FCHSD2: variants seen among roughly 807,000 people sequenced by gnomAD.
FCHSD2 encodes F-BAR and double SH3 domains protein 2.
FCHSD2 carries 38 observed loss-of-function variants against 108.1 expected under a neutral mutation model. That is an observed-to-expected ratio of 0.35 (90% CI 0.27 to 0.46). The LOEUF (loss-of-function observed/expected upper bound fraction) is 0.46, where lower values mean the gene tolerates loss of function less well. Ranked by LOEUF, FCHSD2 falls within the 20% of genes least tolerant of loss-of-function variation. The pLI is 1.00. For synonymous variants in FCHSD2, 279 were observed against 314.7 expected (o/e 0.89, Z 1.20); for missense variants, 751 against 897.8 (o/e 0.84, Z 2.09).
chr11:72,996,969 G>A (rs1045536763), intron 5 of FCHSD2, among the ~76,000 whole-genome samples: 11 of 152,288 alleles, frequency 7.2e-5, no homozygotes, highest in Admixed American at 2.6e-4. Flanking sequence ...GCATTTTTAC[G>A]AGACTGGGGA....
chr11:73,096,986 G>GT (rs1400831147), intron 2 of FCHSD2, among the ~76,000 whole-genome samples: 1 of 19,474 alleles, frequency 5.1e-5, no homozygotes, highest in East Asian at 2.2e-3. Context: ...TTCATTGATG[G>GT]ATTTTTTTTT....
chr11:73,062,255 C>T (rs550024701), intron 3 of FCHSD2, among the ~76,000 whole-genome samples: 18 of 152,176 alleles, frequency 1.2e-4, no homozygotes, highest in African/African-American at 4.1e-4. Context: ...AAAGGAATAG[C>T]ATGTGCACTC....
chr11:73,072,800 G>A (rs989428782), intron 3 of FCHSD2, among the ~76,000 whole-genome samples: 3 of 152,104 alleles, frequency 2.0e-5, no homozygotes, highest in African/African-American at 7.2e-5. Flanking sequence ...CTATGCAGAT[G>A]AAATTCACCA....
intron 2 of FCHSD2, among the ~76,000 whole-genome samples, chr11:73,120,721 T>G (rs570806242): frequency 6.6e-6 from 1 of 150,756 alleles, no homozygotes; most frequent in Non-Finnish European, 1.5e-5. Context: ...AACAGCAAAA[T>G]TGTGTCTAAA....
intron 8 of FCHSD2, among the ~76,000 whole-genome samples, chr11:72,978,852 TTC>T (rs1491524947): frequency 8.2e-6 from 1 of 122,366 alleles, no homozygotes; most frequent in Non-Finnish European, 1.7e-5. Context: ...AGGTAGCTCT[TTC>T]TTTTTTTTTT....
intron 12 of FCHSD2, among the ~76,000 whole-genome samples, chr11:72,883,869 C>A (rs1054859233): frequency 6.7e-6 from 1 of 149,006 alleles, no homozygotes; most frequent in Non-Finnish European, 1.5e-5. Flanking sequence ...GAGGTTCGGG[C>A]GGCAGTGAGT....
intron 8 of FCHSD2, among the ~76,000 whole-genome samples, chr11:72,948,248 T>A (rs1591426170): frequency 1.3e-5 from 2 of 152,154 alleles, no homozygotes; most frequent in Non-Finnish European, 2.9e-5. Flanking sequence ...ACTCAAGCAA[T>A]CCACCCACCT....
intron 10 of FCHSD2, among the ~76,000 whole-genome samples, chr11:72,897,985 A>T (rs560915326): frequency 1.3e-5 from 2 of 152,370 alleles, no homozygotes; most frequent in East Asian, 3.9e-4. Context: ...AGAAATCAGT[A>T]ACTCTCTTAT....
intron 4 of FCHSD2, among the ~76,000 whole-genome samples, chr11:73,009,366 G>A (rs1027045180): frequency 2.0e-5 from 3 of 151,740 alleles, no homozygotes; most frequent in Non-Finnish European, 2.9e-5. Flanking sequence ...GTGTGGTGGC[G>A]TACACCTGTA....
At chr11:73,091,502 T>C (rs1165060669) in intron 2 of FCHSD2, among the ~76,000 whole-genome samples, 1 of 151,566 alleles carries the variant, frequency 6.6e-6, no homozygotes, top group Non-Finnish European at 1.5e-5. Context: ...TGAGCCGAGA[T>C]CATGCCACTG....
chr11:73,129,734 C>T (rs1423860391), intron 2 of FCHSD2, among the ~76,000 whole-genome samples: 1 of 152,150 alleles, frequency 6.6e-6, no homozygotes, highest in Non-Finnish European at 1.5e-5. Context: ...ATCCCCCTGA[C>T]CCCACCCGCA....
intron 2 of FCHSD2, among the ~76,000 whole-genome samples, chr11:73,100,088 A>C (rs2135531911): frequency 1.3e-5 from 2 of 152,248 alleles, no homozygotes; most frequent in South Asian, 4.1e-4. Context: ...CGCTTCCTAC[A>C]GTGGCTGTGA....
intron 3 of FCHSD2, among the ~76,000 whole-genome samples, chr11:73,059,954 G>A (rs867810388): frequency 1.3e-5 from 2 of 152,064 alleles, no homozygotes; most frequent in Middle Eastern, 3.2e-3. Flanking sequence ...TTGTTTACAT[G>A]GTCATCAGTA....
chr11:73,136,991 G>A (rs1861134288), intron 2 of FCHSD2, among the ~76,000 whole-genome samples: 1 of 152,158 alleles, frequency 6.6e-6, no homozygotes, highest in Non-Finnish European at 1.5e-5. Flanking sequence ...TTGCACCACT[G>A]CACTCCAGCC....
At chr11:73,031,196 G>A (rs971787695) in intron 3 of FCHSD2, among the ~76,000 whole-genome samples, 1 of 152,142 alleles carries the variant, frequency 6.6e-6, no homozygotes, top group African/African-American at 2.4e-5. Context: ...AGAGAATAAA[G>A]GCCGGGCACG....
At chr11:72,870,527 G>A (rs544980557) in intron 12 of FCHSD2, among the ~76,000 whole-genome samples, 2 of 151,968 alleles carry the variant, frequency 1.3e-5, no homozygotes, top group Non-Finnish European at 2.9e-5. Flanking sequence ...AAACTACTGT[G>A]TCTCTTTAAT....
Position 73,140,172 on chromosome 11 carries a change from A to G in FCHSD2, c.22-44T>C, listed in dbSNP as rs1293828105. On this transcript the variant is annotated intron_variant, in intron 1 of 19. Transcript: ENST00000409418. ...TTATGAAGGTCTTTTTACAAATTTA[A>G]CCCAAAAAAATTGCTTCAGGAAAAT... 3.3e-6 allele frequency: 4 copies of G among 1,224,308 alleles called. No individual in the cohort carries two copies. The South Asian group carries it at 5.7e-5, about 17-fold the overall frequency. The allele number at this position is 1,224,308 out of a possible 1,614,324, so 75.8% of individuals were successfully genotyped here.
chr11:73,118,283 C>T (rs1017806481), intron 2 of FCHSD2, among the ~76,000 whole-genome samples: 2 of 152,188 alleles, frequency 1.3e-5, no homozygotes, highest in African/African-American at 4.8e-5. Flanking sequence ...TGTGCCACTG[C>T]ACTCCAGCCT....
intron 2 of FCHSD2, among the ~76,000 whole-genome samples, chr11:73,131,607 G>C (rs1052630341): frequency 6.6e-6 from 1 of 151,844 alleles, no homozygotes; most frequent in Non-Finnish European, 1.5e-5. Context: ...GGGAGGCTGA[G>C]GCACAAGGAT....
Sources: gnomAD v4.1 joint callset for allele counts (sites outside exome capture counted in the v4.1 genomes callset) on GRCh38, gnomAD v4.1.1 for gene constraint, MANE v1.5 for transcripts, NCBI Gene and HGNC (gene_info 2026-07-23, HGNC 2026-07-21) for gene names.